Variants in DPYS observed in about 807,000 individuals in gnomAD.
DPYS encodes the protein dihydropyrimidine amidohydrolase.
A neutral mutation model predicts 50.3 loss-of-function variants in DPYS; 39 were observed. That is an observed-to-expected ratio of 0.78 (90% CI 0.60 to 1.01). The LOEUF is 1.01. Among genes scored for constraint, DPYS ranks in the 50% least tolerant of loss-of-function variants. The pLI is 0.00. For missense variants in DPYS, 659 were observed against 680.9 expected (o/e 0.97, Z 0.36); for synonymous variants, 245 against 250.7 (o/e 0.98, Z 0.22).
chr8:104,400,129 G>A (rs1811746211), intron 7 of DPYS, among the ~76,000 whole-genome samples: 1 of 152,062 alleles, frequency 6.6e-6, no homozygotes. Flanking sequence ...CTGGAGCAGG[G>A]ACTGTGCCTT....
intron 8 of DPYS, among the ~76,000 whole-genome samples, chr8:104,383,917 C>T (rs1811133287): frequency 6.6e-6 from 1 of 152,130 alleles, no homozygotes; most frequent in South Asian, 2.1e-4. Context: ...TGTACTTTTT[C>T]TGTGGCTGGC....
chr8:104,425,097 T>G (rs984235031), intron 6 of DPYS, among the ~76,000 whole-genome samples: 11 of 152,226 alleles, frequency 7.2e-5, no homozygotes, highest in African/African-American at 2.6e-4. Flanking sequence ...CCCAAAGTGT[T>G]GGGATTACAG....
At chr8:104,428,315 C>A (rs1273533087) in intron 5 of DPYS, among the ~76,000 whole-genome samples, 194 bp from the exon 6 acceptor site, 6 of 152,208 alleles carry the variant, frequency 3.9e-5, no homozygotes, top group Non-Finnish European at 5.9e-5. Context: ...TTTCAGAGGA[C>A]ACACTGATCG....
chr8:104,453,887 G>A (rs2140745754), intron 1 of DPYS, among the ~76,000 whole-genome samples: 1 of 152,316 alleles, frequency 6.6e-6, no homozygotes, highest in Admixed American at 6.5e-5. Context: ...ACTGACATAC[G>A]CTATGACATG....
At chr8:104,417,296 T>C (rs1812400176) in intron 7 of DPYS, among the ~76,000 whole-genome samples, 2 of 152,204 alleles carry the variant, frequency 1.3e-5, no homozygotes, top group African/African-American at 4.8e-5. Context: ...AAGTGCTATT[T>C]AATGAATACC....
chr8:104,423,624 T>C (rs932218103), intron 7 of DPYS, among the ~76,000 whole-genome samples: 4 of 152,140 alleles, frequency 2.6e-5, no homozygotes, highest in Non-Finnish European at 1.5e-5. Context: ...AAAACACAAA[T>C]CAGGCTGCAG....
intron 7 of DPYS, among the ~76,000 whole-genome samples, chr8:104,403,460 C>G (rs568902887): frequency 7.6e-6 from 1 of 131,032 alleles, no homozygotes. Flanking sequence ...TTGGAAGCAG[C>G]CTGCCACCAT....
intron 8 of DPYS, 104 bp from the exon 9 acceptor site, chr8:104,381,418 A>G: frequency 4.6e-6 from 5 of 1,098,666 alleles, no homozygotes; most frequent in Non-Finnish European, 6.9e-6. Flanking sequence ...AAAGAATCTT[A>G]TAAATTTATC....
intron 7 of DPYS, among the ~76,000 whole-genome samples, chr8:104,416,094 T>G (rs1414308050): frequency 2.0e-5 from 3 of 152,144 alleles, no homozygotes; most frequent in African/African-American, 7.2e-5. Flanking sequence ...TCAGAAAAAT[T>G]AAATGATATA....
intron 4 of DPYS, 21 bp from the exon 5 acceptor site, chr8:104,429,722 A>T: frequency 6.2e-7 from 1 of 1,613,934 alleles, no homozygotes; most frequent in East Asian, 2.2e-5. Context: ...TAAAAGAAGC[A>T]TTCATCACTT....
chr8:104,398,126 T>C (rs1051788530), intron 7 of DPYS, among the ~76,000 whole-genome samples: 1 of 152,230 alleles, frequency 6.6e-6, no homozygotes, highest in African/African-American at 2.4e-5. Context: ...CAAAAACATG[T>C]CTTCCCAGAC....
At chr8:104,442,298 T>C (rs977488463) in intron 4 of DPYS, among the ~76,000 whole-genome samples, 1 of 152,238 alleles carries the variant, frequency 6.6e-6, no homozygotes, top group Non-Finnish European at 1.5e-5. Flanking sequence ...CTAATGGAAT[T>C]CTATCCCAAT....
At chr8:104,461,474 C>A (rs1048532912) in intron 1 of DPYS, among the ~76,000 whole-genome samples, 9 of 152,044 alleles carry the variant, frequency 5.9e-5, no homozygotes, top group Non-Finnish European at 1.2e-4. Context: ...AGGCATTTTA[C>A]TCTAAGGGAT....
At chr8:104,392,269 C>T (rs1811412567) in intron 8 of DPYS, among the ~76,000 whole-genome samples, 1 of 152,212 alleles carries the variant, frequency 6.6e-6, no homozygotes, top group East Asian at 1.9e-4. Flanking sequence ...GCTGGGAGAT[C>T]TGAGACTTGG....
At chr8:104,424,019 A>T in intron 7 of DPYS, 2 of 985,420 alleles carry the variant, frequency 2.0e-6, no homozygotes, top group Non-Finnish European at 2.4e-6. Flanking sequence ...TTATATACAG[A>T]TCCATTGTCA....
chr8:104,447,191 C>T (rs1813560352), intron 3 of DPYS, 133 bp downstream of exon 3: 3 of 1,186,810 alleles, frequency 2.5e-6, no homozygotes, highest in African/African-American at 3.1e-5. Context: ...CGTTTCCGAG[C>T]CACGGAAAAT....
chr8:104,454,619 G>T (rs934489447), intron 1 of DPYS, among the ~76,000 whole-genome samples: 2 of 152,168 alleles, frequency 1.3e-5, no homozygotes, highest in Admixed American at 6.5e-5. Context: ...CCCTCAGGGT[G>T]TTTATAGGAG....
intron 4 of DPYS, among the ~76,000 whole-genome samples, chr8:104,433,178 G>A (rs535898186): frequency 6.6e-4 from 101 of 152,212 alleles, no homozygotes; most frequent in South Asian, 1.9e-3. Context: ...TGTCACCTTG[G>A]TTTTGGACTT....
chr8:104,381,021 T>A, intron 9 of DPYS, 163 bp downstream of exon 9: 1 of 632,596 alleles, frequency 1.6e-6, no homozygotes, highest in Non-Finnish European at 2.8e-6. Flanking sequence ...CTGGAAGGCT[T>A]ATCTAAATGT....
Sources: allele counts gnomAD v4.1 joint callset (sites outside exome capture counted in the v4.1 genomes callset), GRCh38; gene constraint gnomAD v4.1.1; transcripts MANE v1.5; gene names NCBI Gene and HGNC (gene_info 2026-07-23, HGNC 2026-07-21).